The following SLC2A9 variants were observed in gnomAD, a reference collection of about 807,000 sequenced individuals.
SLC2A9 encodes solute carrier family 2, facilitated glucose transporter member 9.
SLC2A9 carries 39 observed loss-of-function variants against 50.6 expected under a neutral mutation model. The observed-to-expected ratio is 0.77, with a 90% CI of 0.60 to 1.01. SLC2A9 has a LOEUF of 1.01. Among genes scored for constraint, SLC2A9 ranks in the 50% least tolerant of loss-of-function variants. The pLI is 0.00. For synonymous variants in SLC2A9, 324 were observed against 276.9 expected, an observed-to-expected ratio of 1.17 and a Z score of -1.69; for missense variants, 686 against 677.6, an observed-to-expected ratio of 1.01 and a Z score of -0.14.
downstream of SLC2A9, among the ~76,000 whole-genome samples, chr4:9,797,099 G>C (rs1222548494): frequency 5.9e-5 from 9 of 152,300 alleles, no homozygotes; most frequent in African/African-American, 2.2e-4. Context: ...CTCTCAGGAA[G>C]TGTTCCAAGA....
chr4:10,002,049 G>A (rs1284294018), intron 2 of SLC2A9, among the ~76,000 whole-genome samples: 1 of 152,234 alleles, frequency 6.6e-6, no homozygotes, highest in African/African-American at 2.4e-5. Context: ...AGCAGCAGAG[G>A]GAGCTCTGGT....
intron 8 of SLC2A9, among the ~76,000 whole-genome samples, chr4:9,900,898 T>G (rs1308359308): frequency 6.6e-6 from 1 of 152,122 alleles, no homozygotes; most frequent in Non-Finnish European, 1.5e-5. Flanking sequence ...CTCCTATGAT[T>G]CAATTACCTC....
chr4:9,799,256 CT>C (rs1720995352), intron 3 of SLC2A9: 1 of 151,876 alleles, frequency 6.6e-6, no homozygotes. Context: ...AACAAAATAC[CT>C]TAGATTAGGT....
At chr4:9,892,112 G>A (rs760544440) in intron 8 of SLC2A9, among the ~76,000 whole-genome samples, 10 of 152,224 alleles carry the variant, frequency 6.6e-5, no homozygotes, top group South Asian at 2.1e-4. Flanking sequence ...GGCAATGGGC[G>A]TTCTCCCCCA....
At chr4:9,986,888 G>A (rs1290791899) in intron 3 of SLC2A9, among the ~76,000 whole-genome samples, 2 of 152,110 alleles carry the variant, frequency 1.3e-5, no homozygotes, top group Admixed American at 6.5e-5. Flanking sequence ...TATCCTTCAG[G>A]AGCTAGGAGA....
intron 3 of SLC2A9, among the ~76,000 whole-genome samples, chr4:9,800,670 A>G (rs1721277161): frequency 6.6e-6 from 1 of 152,230 alleles, no homozygotes; most frequent in African/African-American, 2.4e-5. Flanking sequence ...ATTCAGGAAA[A>G]GGAACACTAA....
intron 8 of SLC2A9, among the ~76,000 whole-genome samples, chr4:9,902,253 A>G (rs1014674079): frequency 2.0e-5 from 3 of 152,072 alleles, no homozygotes; most frequent in Non-Finnish European, 4.4e-5. Context: ...CCCTTGTTAC[A>G]CTGTCTGTGA....
chr4:9,851,311 C>T (rs913632482), intron 10 of SLC2A9, among the ~76,000 whole-genome samples: 6 of 152,200 alleles, frequency 3.9e-5, no homozygotes, highest in Non-Finnish European at 8.8e-5. Context: ...GAGTGCTGAG[C>T]TGAGCGTTGG....
chr4:9,863,633 T>G (rs1211047732), intron 10 of SLC2A9, among the ~76,000 whole-genome samples: 1 of 152,088 alleles, frequency 6.6e-6, no homozygotes, highest in Non-Finnish European at 1.5e-5. Context: ...TAATCTATAT[T>G]TTGTTTCAAT....
At chr4:9,874,085 C>T (rs1252983834) in intron 10 of SLC2A9, among the ~76,000 whole-genome samples, 1 of 152,130 alleles carries the variant, frequency 6.6e-6, no homozygotes, top group Admixed American at 6.5e-5. Context: ...ACCCTGATGT[C>T]CCCTGAGGCC....
intron 1 of SLC2A9, among the ~76,000 whole-genome samples, chr4:10,028,508 C>T (rs766683437): frequency 1.3e-5 from 2 of 152,208 alleles, no homozygotes; most frequent in African/African-American, 2.4e-5. Context: ...TCTCTGAGCT[C>T]AGCTTCCCTA....
At chr4:9,783,550 G>A (rs775745746) in intron 3 of SLC2A9, 1 of 1,236,450 alleles carries the variant, frequency 8.1e-7, no homozygotes, top group Admixed American at 2.5e-5. Flanking sequence ...TGCCTTTCCA[G>A]TGCTGCTCCC....
intron 3 of SLC2A9, among the ~76,000 whole-genome samples, chr4:9,820,739 T>C (rs1724288039): frequency 6.6e-6 from 1 of 152,244 alleles, no homozygotes; most frequent in Non-Finnish European, 1.5e-5. Context: ...TAGTTTTTAA[T>C]TGTTCATTGC....
intron 5 of SLC2A9, among the ~76,000 whole-genome samples, chr4:9,948,200 G>A (rs1334846584): frequency 1.3e-5 from 2 of 152,050 alleles, no homozygotes; most frequent in Non-Finnish European, 1.5e-5. Context: ...AAGGTTTTGA[G>A]GCAAGCCCTC....
At chr4:9,820,026 G>T (rs1452506607) in intron 3 of SLC2A9, among the ~76,000 whole-genome samples, 7 of 152,218 alleles carry the variant, frequency 4.6e-5, no homozygotes, top group Admixed American at 4.6e-4. Context: ...TTCTTTTATG[G>T]ATTGTGTTTT....
At chr4:9,874,727 C>T (rs911909057) in intron 10 of SLC2A9, among the ~76,000 whole-genome samples, 1 of 152,218 alleles carries the variant, frequency 6.6e-6, no homozygotes, top group Non-Finnish European at 1.5e-5. Context: ...ATCCCCACAT[C>T]GGCACCCATG....
intron 10 of SLC2A9, among the ~76,000 whole-genome samples, chr4:9,857,016 T>C (rs1048834247): frequency 6.6e-5 from 10 of 152,152 alleles, no homozygotes; most frequent in African/African-American, 2.2e-4. Context: ...ACTATGCTTA[T>C]TACCTGGGTG....
intron 9 of SLC2A9, among the ~76,000 whole-genome samples, chr4:9,890,086 G>A (rs1481750072): frequency 1.3e-5 from 2 of 152,122 alleles, no homozygotes; most frequent in Admixed American, 6.6e-5. Flanking sequence ...ATGAAGGGAC[G>A]ACTGTTTCAT....
downstream of SLC2A9, among the ~76,000 whole-genome samples, chr4:9,776,187 C>CTT (rs75524600): frequency 0.06 from 8,559 of 141,848 alleles, 439 homozygotes; most frequent in East Asian, 0.16. Context: ...GTCTTTCTTT[C>CTT]TTTTTTTTTT....
Sources: allele counts gnomAD v4.1 joint callset (sites outside exome capture counted in the v4.1 genomes callset), GRCh38; gene constraint gnomAD v4.1.1; transcripts MANE v1.5; gene names NCBI Gene and HGNC (gene_info 2026-07-23, HGNC 2026-07-21).